The following TTC29 variants were observed in gnomAD, a reference collection of about 807,000 sequenced individuals.
TTC29 encodes tetratricopeptide repeat protein 29.
A neutral mutation model predicts 58.1 loss-of-function variants in TTC29; 49 were observed. The ratio of observed to expected loss-of-function variants is 0.84; its 90% CI spans 0.67 to 1.07. TTC29 has a LOEUF of 1.07. Among genes scored for constraint, TTC29 ranks in the 50% least tolerant of loss-of-function variants. The pLI is 0.00. For synonymous variants in TTC29, 209 were observed against 196.8 expected (o/e 1.06, Z -0.52); for missense variants, 582 against 555.6 (o/e 1.05, Z -0.48).
At chr4:146,892,045 A>G (rs546479251) in intron 6 of TTC29, among the ~76,000 whole-genome samples, 1 of 152,170 alleles carries the variant, frequency 6.6e-6, no homozygotes, top group South Asian at 2.1e-4. Context: ...GTCCCCTCCC[A>G]AATCTAATGT....
At chr4:146,820,332 T>C in intron 9 of TTC29, 84 bp from the exon 10 acceptor site, 1 of 1,438,002 alleles carries the variant, frequency 7.0e-7, no homozygotes, top group Non-Finnish European at 9.3e-7. Flanking sequence ...GTCTTTGCTG[T>C]AGAAAATGCA....
intron 6 of TTC29, among the ~76,000 whole-genome samples, chr4:146,887,376 A>C (rs1732055719): frequency 1.3e-5 from 2 of 152,102 alleles, no homozygotes; most frequent in Non-Finnish European, 2.9e-5. Flanking sequence ...GATACATCTG[A>C]CTTGTTGTAA....
At chr4:146,739,008 T>A (rs1052406491) in intron 11 of TTC29, among the ~76,000 whole-genome samples, 1 of 152,154 alleles carries the variant, frequency 6.6e-6, no homozygotes, top group Non-Finnish European at 1.5e-5. Flanking sequence ...TAAAAAAAAA[T>A]TATTTTTGGA....
At chr4:146,839,458 T>C (rs986404396) in intron 8 of TTC29, among the ~76,000 whole-genome samples, 3 of 151,988 alleles carry the variant, frequency 2.0e-5, no homozygotes, top group Non-Finnish European at 4.4e-5. Flanking sequence ...CCCCCAAATA[T>C]GTATAGCTAT....
intron 2 of TTC29, among the ~76,000 whole-genome samples, chr4:146,940,691 T>G (rs1192311684): frequency 6.6e-6 from 1 of 152,228 alleles, no homozygotes; most frequent in African/African-American, 2.4e-5. Flanking sequence ...ACTGGGGCTA[T>G]CTGCCAGAAC....
chr4:146,867,685 G>A (rs1055323921), intron 7 of TTC29, 102 bp from the exon 8 acceptor site: 7 of 565,228 alleles, frequency 1.2e-5, no homozygotes, highest in South Asian at 3.5e-5. Flanking sequence ...ATTTTTAAAA[G>A]TATGCAGTTT....
At chr4:146,881,682 C>T (rs879663686) in intron 6 of TTC29, among the ~76,000 whole-genome samples, 23 of 152,128 alleles carry the variant, frequency 1.5e-4, no homozygotes, top group South Asian at 2.1e-4. Context: ...ATAATTATAA[C>T]GGCACTACAC....
At chr4:146,822,619 C>G (rs1751927845) in intron 9 of TTC29, among the ~76,000 whole-genome samples, 1 of 152,100 alleles carries the variant, frequency 6.6e-6, no homozygotes, top group Non-Finnish European at 1.5e-5. Flanking sequence ...GGGTATATAT[C>G]CAGTAATGGG....
At chr4:146,941,337 A>G (rs952958511) in intron 2 of TTC29, among the ~76,000 whole-genome samples, 5 of 152,184 alleles carry the variant, frequency 3.3e-5, no homozygotes, top group Admixed American at 1.3e-4. Flanking sequence ...GAAAATCACA[A>G]TAAAATCTGG....
intron 7 of TTC29, among the ~76,000 whole-genome samples, chr4:146,872,569 C>T (rs760842193): frequency 2.2e-4 from 34 of 151,514 alleles, no homozygotes; most frequent in Admixed American, 2.0e-3. Flanking sequence ...TAAAACTGGG[C>T]AAAGAATCTG....
chr4:146,798,275 G>A (rs554584749), intron 11 of TTC29, among the ~76,000 whole-genome samples: 2 of 152,218 alleles, frequency 1.3e-5, no homozygotes, highest in South Asian at 2.1e-4. Context: ...AACAGCGGGG[G>A]ATAGGGTAGG....
intron 11 of TTC29, among the ~76,000 whole-genome samples, chr4:146,708,403 T>C (rs982248744): frequency 2.7e-5 from 4 of 146,290 alleles, no homozygotes; most frequent in African/African-American, 1.0e-4. Context: ...TAAACATATA[T>C]ATATAAAAAC....
chr4:146,715,100 A>G (rs1281897151), intron 11 of TTC29, among the ~76,000 whole-genome samples: 1 of 152,042 alleles, frequency 6.6e-6, no homozygotes, highest in Non-Finnish European at 1.5e-5. Flanking sequence ...GGTGTCCCAA[A>G]GTGTTGGGAT....
chr4:146,849,673 A>G (rs938680986), intron 8 of TTC29, among the ~76,000 whole-genome samples: 15 of 147,446 alleles, frequency 1.0e-4, no homozygotes, highest in African/African-American at 2.0e-4. Context: ...TTTCACTTAG[A>G]AAAAAAAAAA....
intron 8 of TTC29, among the ~76,000 whole-genome samples, chr4:146,843,452 AT>A (rs1367802505): frequency 6.6e-6 from 1 of 152,160 alleles, no homozygotes; most frequent in Non-Finnish European, 1.5e-5. Flanking sequence ...ATGACTCATC[AT>A]TCAGAGTATC....
At chr4:146,862,330 A>C (rs1255808469) in intron 8 of TTC29, among the ~76,000 whole-genome samples, 2 of 151,672 alleles carry the variant, frequency 1.3e-5, no homozygotes, top group African/African-American at 4.8e-5. Context: ...TAGATTTCTA[A>C]TAGAAATATT....
intron 11 of TTC29, among the ~76,000 whole-genome samples, chr4:146,796,599 TTAGGATA>T (rs1181759634): frequency 6.6e-6 from 1 of 152,196 alleles, no homozygotes. Flanking sequence ...GAGGCATTTT[TTAGGATA>T]TAATCCATTA....
intron 4 of TTC29, among the ~76,000 whole-genome samples, chr4:146,917,404 A>G (rs1046915733): frequency 1.3e-5 from 2 of 148,818 alleles, no homozygotes; most frequent in Non-Finnish European, 3.0e-5. Flanking sequence ...TTTAAATATC[A>G]CAGCCATTAT....
At chr4:146,788,203 A>AT (rs2150098322) in intron 11 of TTC29, among the ~76,000 whole-genome samples, 1 of 152,296 alleles carries the variant, frequency 6.6e-6, no homozygotes, top group South Asian at 2.1e-4. Flanking sequence ...CCAGGAACAC[A>AT]TAAGAATTCT....
Sources: gnomAD v4.1 joint callset for allele counts (sites outside exome capture counted in the v4.1 genomes callset) on GRCh38, gnomAD v4.1.1 for gene constraint, MANE v1.5 for transcripts, NCBI Gene and HGNC (gene_info 2026-07-23, HGNC 2026-07-21) for gene names.